The following PTPRG variants were observed in gnomAD, a reference collection of about 807,000 sequenced individuals.
The protein encoded by PTPRG is receptor-type tyrosine-protein phosphatase gamma.
Under a neutral mutation model 165.3 loss-of-function variants are expected in PTPRG, and 102 were observed. The observed-to-expected ratio is 0.62, with a 90% CI of 0.53 to 0.73. The LOEUF is 0.73. Among genes scored for constraint, PTPRG ranks in the 30% least tolerant of loss-of-function variants. PTPRG has a pLI of 0.00. For synonymous variants in PTPRG, 675 were observed against 669.5 expected, an observed-to-expected ratio of 1.01 and a Z score of -0.13; for missense variants, 1,866 against 1,861.4, an observed-to-expected ratio of 1.00 and a Z score of -0.05.
At chr3:61,563,889 C>T (rs1468335010) in intron 1 of PTPRG, among the ~76,000 whole-genome samples, 1 of 152,174 alleles carries the variant, frequency 6.6e-6, no homozygotes, top group African/African-American at 2.4e-5. Context: ...GGGAAAACAC[C>T]GTCTGGTATT....
At chr3:62,241,396 G>A (rs999605070) in intron 14 of PTPRG, among the ~76,000 whole-genome samples, 1 of 152,186 alleles carries the variant, frequency 6.6e-6, no homozygotes, top group Non-Finnish European at 1.5e-5. Context: ...AGTGCATGAT[G>A]TGCAGCAAGG....
intron 11 of PTPRG, 105 bp downstream of exon 11, chr3:62,201,659 T>G: frequency 1.9e-6 from 2 of 1,030,740 alleles, no homozygotes. Context: ...AACTGCTCAG[T>G]GTAAAGCGGT....
At chr3:61,879,328 A>C (rs2037824828) in intron 2 of PTPRG, among the ~76,000 whole-genome samples, 2 of 152,162 alleles carry the variant, frequency 1.3e-5, no homozygotes, top group Non-Finnish European at 2.9e-5. Flanking sequence ...GAGCAGTTTT[A>C]AGTCTTCTGA....
At chr3:62,019,740 A>G (rs1479047913) in intron 4 of PTPRG, among the ~76,000 whole-genome samples, 1 of 152,176 alleles carries the variant, frequency 6.6e-6, no homozygotes, top group Non-Finnish European at 1.5e-5. Context: ...TTGAAACATA[A>G]TGTTGTATGC....
chr3:61,752,794 A>AAAAATAAAT (rs2033487079), intron 2 of PTPRG, among the ~76,000 whole-genome samples: 6 of 106,028 alleles, frequency 5.7e-5, no homozygotes, highest in South Asian at 6.1e-4. Flanking sequence ...TCAAAAAAAA[A>AAAAATAAAT]AAAAAAAGAA....
At chr3:61,812,428 G>T (rs577388819) in intron 2 of PTPRG, among the ~76,000 whole-genome samples, 1 of 151,980 alleles carries the variant, frequency 6.6e-6, no homozygotes. Context: ...CATTCAAAAC[G>T]GGTATGTACA....
chr3:61,634,028 C>T (rs760557262), intron 1 of PTPRG, among the ~76,000 whole-genome samples: 1 of 151,632 alleles, frequency 6.6e-6, no homozygotes, highest in Non-Finnish European at 1.5e-5. Context: ...GATTCTCATG[C>T]CTCAGTCTCC....
At chr3:62,027,858 C>T (rs1411903808) in intron 4 of PTPRG, among the ~76,000 whole-genome samples, 2 of 152,120 alleles carry the variant, frequency 1.3e-5, no homozygotes, top group African/African-American at 4.8e-5. Flanking sequence ...AAGAGAGGCA[C>T]TTTTTTTGTG....
intron 2 of PTPRG, among the ~76,000 whole-genome samples, chr3:61,981,388 C>T (rs2040641257): frequency 6.6e-6 from 1 of 152,308 alleles, no homozygotes; most frequent in East Asian, 1.9e-4. Context: ...GGGTTAACAC[C>T]CTTTGCTGAT....
intron 1 of PTPRG, among the ~76,000 whole-genome samples, chr3:61,747,542 G>A (rs1007500536): frequency 9.9e-5 from 15 of 152,092 alleles, no homozygotes; most frequent in African/African-American, 3.6e-4. Context: ...CCTCTAAAGG[G>A]CTCATCTCTG....
chr3:61,761,645 G>A (rs1055605916), intron 2 of PTPRG, among the ~76,000 whole-genome samples: 1 of 152,154 alleles, frequency 6.6e-6, no homozygotes, highest in African/African-American at 2.4e-5. Context: ...GTATCTCACT[G>A]TAGTTTTGAT....
intron 1 of PTPRG, among the ~76,000 whole-genome samples, chr3:61,653,879 GGTT>G (rs1194917729): frequency 1.7e-5 from 2 of 117,554 alleles, no homozygotes; most frequent in African/African-American, 3.3e-5. Flanking sequence ...CATGTGTGCA[GGTT>G]GTTAAGCGGG....
intron 1 of PTPRG, among the ~76,000 whole-genome samples, chr3:61,675,928 T>G (rs1051257284): frequency 2.0e-5 from 3 of 152,230 alleles, no homozygotes; most frequent in Admixed American, 1.3e-4. Flanking sequence ...GCATGGATCA[T>G]ATTAATAATT....
At chr3:61,656,268 C>G (rs139405911) in intron 1 of PTPRG, among the ~76,000 whole-genome samples, 1 of 152,054 alleles carries the variant, frequency 6.6e-6, no homozygotes, top group Non-Finnish European at 1.5e-5. Context: ...CAAGAAAGGG[C>G]TTCTTTCCTT....
intron 15 of PTPRG, among the ~76,000 whole-genome samples, chr3:62,249,999 A>C (rs1285447293): frequency 1.3e-5 from 2 of 152,172 alleles, no homozygotes; most frequent in Non-Finnish European, 2.9e-5. Context: ...CCTAGAACAT[A>C]GGGTTGTGCA....
intron 15 of PTPRG, among the ~76,000 whole-genome samples, chr3:62,253,197 A>G (rs975324101): frequency 5.3e-5 from 8 of 152,208 alleles, no homozygotes; most frequent in African/African-American, 1.9e-4. Context: ...AGAGTAAAAC[A>G]GTTCTAAAGC....
chr3:61,890,159 A>T (rs764323961), intron 2 of PTPRG, among the ~76,000 whole-genome samples: 5 of 152,208 alleles, frequency 3.3e-5, no homozygotes, highest in African/African-American at 4.8e-5. Context: ...TGAAGGTCAG[A>T]CTTGAAACTC....
intron 20 of PTPRG, among the ~76,000 whole-genome samples, chr3:62,270,222 G>A (rs1702016654): frequency 6.6e-6 from 1 of 151,796 alleles, no homozygotes; most frequent in African/African-American, 2.4e-5. Flanking sequence ...GGACATTTTG[G>A]AAAATGTGAT....
At chr3:61,761,463 A>G (rs1325547488) in intron 2 of PTPRG, among the ~76,000 whole-genome samples, 1 of 152,180 alleles carries the variant, frequency 6.6e-6, no homozygotes. Flanking sequence ...CCTGTAACCC[A>G]GCTACTTGGG....
Sources: allele counts gnomAD v4.1 joint callset (sites outside exome capture counted in the v4.1 genomes callset), GRCh38; gene constraint gnomAD v4.1.1; transcripts MANE v1.5; gene names NCBI Gene and HGNC (gene_info 2026-07-23, HGNC 2026-07-21).